The following SH3RF2 variants were observed in gnomAD, a reference collection of about 807,000 sequenced individuals.
The protein encoded by SH3RF2 is E3 ubiquitin-protein ligase SH3RF2.
Under a neutral mutation model 59.0 loss-of-function variants are expected in SH3RF2, and 43 were observed. The observed-to-expected ratio is 0.73, with a 90% CI of 0.57 to 0.94. The LOEUF (loss-of-function observed/expected upper bound fraction) is 0.94, where lower values mean the gene tolerates loss of function less well. SH3RF2 is among the 40% of genes least tolerant of loss of function. SH3RF2 has a pLI of 0.00. For missense variants in SH3RF2, 930 were observed against 940.1 expected (o/e 0.99, Z 0.14); for synonymous variants, 391 against 391.5 (o/e 1.00, Z 0.01).
At chr5:145,980,322 A>C (rs1203917613) in intron 2 of SH3RF2, among the ~76,000 whole-genome samples, 1 of 152,176 alleles carries the variant, frequency 6.6e-6, no homozygotes, top group African/African-American at 2.4e-5. Flanking sequence ...GTACACATAC[A>C]CATATGTATT....
At position 146,070,480 on chromosome 5, in the gene SH3RF2, A is replaced by G. The variant is rs1363738630; in HGVS notation, c.*33+7746A>G. ...CCCTGCTCCAAAAGTTGCCAGACACAGCCAAGCCACTTGAAAAAGAACTGA... is the reference window on the plus strand; with the variant it reads ...CCCTGCTCCAAAAGTTGCCAGACACGGCCAAGCCACTTGAAAAAGAACTGA... On this transcript the variant is annotated intron_variant, in intron 9 of 9. Coordinates refer to the SH3RF2 transcript ENST00000511217. 7.2e-5 allele frequency among the ~76,000 whole-genome samples: 11 copies of G among 152,368 alleles called. No individual in the cohort carries two copies. The East Asian group carries it at 1.9e-3, about 27-fold the overall frequency.
intron 5 of SH3RF2, among the ~76,000 whole-genome samples, chr5:146,023,003 G>A (rs1007559230): frequency 2.6e-5 from 4 of 151,212 alleles, no homozygotes; most frequent in Admixed American, 2.6e-4. Context: ...GTTCAAATGG[G>A]AACAAAATGA....
At chr5:146,019,534 C>T (rs966245198) in intron 5 of SH3RF2, among the ~76,000 whole-genome samples, 15 of 152,134 alleles carry the variant, frequency 9.9e-5, no homozygotes, top group Non-Finnish European at 2.1e-4. Context: ...AATCTGAAGT[C>T]AGGTAATGTG....
intron 2 of SH3RF2, among the ~76,000 whole-genome samples, chr5:145,983,640 T>C (rs1191708918): frequency 6.6e-6 from 1 of 152,192 alleles, no homozygotes; most frequent in Non-Finnish European, 1.5e-5. Flanking sequence ...TGGGTTTCAA[T>C]GTTCTGAATA....
intron 2 of SH3RF2, among the ~76,000 whole-genome samples, chr5:145,987,155 T>C (rs1759742551): frequency 6.6e-6 from 1 of 152,168 alleles, no homozygotes; most frequent in Non-Finnish European, 1.5e-5. Flanking sequence ...CTTGCTAATA[T>C]AGTCCAGGAA....
intron 2 of SH3RF2, among the ~76,000 whole-genome samples, chr5:145,982,320 C>A (rs973431211): frequency 1.3e-5 from 2 of 152,222 alleles, no homozygotes; most frequent in African/African-American, 2.4e-5. Context: ...TTCTTCCTGA[C>A]TATGTCTTTG....
intron 9 of SH3RF2, among the ~76,000 whole-genome samples, chr5:146,060,598 T>C (rs997246578): frequency 6.6e-6 from 1 of 152,170 alleles, no homozygotes. Flanking sequence ...TCTGAGTCAC[T>C]TAGTTTGCAT....
intron 5 of SH3RF2, among the ~76,000 whole-genome samples, chr5:146,024,205 T>C (rs1761441188): frequency 6.6e-6 from 1 of 152,252 alleles, no homozygotes; most frequent in African/African-American, 2.4e-5. Flanking sequence ...GCTTGGTGTA[T>C]GCAGGTTGCA....
At chr5:145,952,404 GAAAA>G (rs201045540) in intron 2 of SH3RF2, among the ~76,000 whole-genome samples, 4 of 149,962 alleles carry the variant, frequency 2.7e-5, no homozygotes, top group African/African-American at 9.8e-5. Flanking sequence ...CAGCACTATA[GAAAA>G]AAAAACAACT....
chr5:146,064,662 AAGAG>A (rs369622553), downstream of SH3RF2, among the ~76,000 whole-genome samples: 4 of 5,180 alleles, frequency 7.7e-4, no homozygotes, highest in African/African-American at 1.4e-3. Context: ...GAGAGAGAGA[AAGAG>A]AAAGAAAGAA....
chr5:146,000,905 G>A (rs986616915), intron 3 of SH3RF2, among the ~76,000 whole-genome samples: 3 of 152,230 alleles, frequency 2.0e-5, no homozygotes, highest in African/African-American at 7.2e-5. Context: ...AACATGCTAT[G>A]TAAAACTACA....
downstream of SH3RF2, among the ~76,000 whole-genome samples, chr5:146,063,549 A>T (rs1762971814): frequency 6.6e-6 from 1 of 152,224 alleles, no homozygotes; most frequent in Non-Finnish European, 1.5e-5. Flanking sequence ...GTTTAGATAT[A>T]TAGTCTGACT....
At chr5:146,014,346 C>T (rs953814488) in intron 5 of SH3RF2, among the ~76,000 whole-genome samples, 10 of 152,052 alleles carry the variant, frequency 6.6e-5, no homozygotes, top group Non-Finnish European at 8.8e-5. Context: ...CTTTTCTTTC[C>T]CTTGCTGAGT....
chr5:146,052,244 G>T (rs186885589), intron 7 of SH3RF2, among the ~76,000 whole-genome samples: 1 of 152,118 alleles, frequency 6.6e-6, no homozygotes, highest in South Asian at 2.1e-4. Context: ...AAACTCTCCC[G>T]GGAAAATCAA....
chr5:146,040,672 G>A (rs1762094467), intron 5 of SH3RF2, among the ~76,000 whole-genome samples: 1 of 152,132 alleles, frequency 6.6e-6, no homozygotes, highest in Non-Finnish European at 1.5e-5. Flanking sequence ...TGAACCTAAA[G>A]GGACCTGCTG....
chr5:146,038,801 T>C (rs1391354278), intron 5 of SH3RF2, among the ~76,000 whole-genome samples: 2 of 152,156 alleles, frequency 1.3e-5, no homozygotes, highest in African/African-American at 4.8e-5. Flanking sequence ...TTTATGAAAC[T>C]CAAAAGGTGA....
chr5:145,953,312 C>T (rs1758264206), intron 2 of SH3RF2, among the ~76,000 whole-genome samples: 1 of 152,104 alleles, frequency 6.6e-6, no homozygotes, highest in Admixed American at 6.5e-5. Context: ...GAGAGGAAGG[C>T]AGGGAAGTGG....
chr5:146,014,139 T>G (rs1761020330), intron 5 of SH3RF2, 78 bp downstream of exon 5: 2 of 1,494,132 alleles, frequency 1.3e-6, no homozygotes, highest in Admixed American at 2.0e-5. Context: ...CAATATTTGA[T>G]GTTTAGTACT....
chr5:145,980,011 G>C (rs1055438703), intron 2 of SH3RF2, among the ~76,000 whole-genome samples: 2 of 152,178 alleles, frequency 1.3e-5, no homozygotes, highest in African/African-American at 4.8e-5. Context: ...TGCTCAGCAC[G>C]GGGCAATGCT....
Sources: gnomAD v4.1 joint callset for allele counts (sites outside exome capture counted in the v4.1 genomes callset) on GRCh38, gnomAD v4.1.1 for gene constraint, MANE v1.5 for transcripts, NCBI Gene and HGNC (gene_info 2026-07-23, HGNC 2026-07-21) for gene names.